Variants in APBB2 observed in about 807,000 individuals in gnomAD.
The protein encoded by APBB2 is Fe65-like 1.
Under a neutral mutation model 82.5 loss-of-function variants are expected in APBB2, and 38 were observed. That is an observed-to-expected ratio of 0.46 (90% CI 0.36 to 0.60). The LOEUF (loss-of-function observed/expected upper bound fraction) is 0.60. APBB2 is among the 20% of genes least tolerant of loss of function. The pLI is 0.00. For missense variants in APBB2, 772 were observed against 972.3 expected, an observed-to-expected ratio of 0.79 and a Z score of 2.74; for synonymous variants, 341 against 368.2, an observed-to-expected ratio of 0.93 and a Z score of 0.85.
chr4:41,019,966 G>A (rs1412098673), intron 5 of APBB2, among the ~76,000 whole-genome samples: 1 of 150,938 alleles, frequency 6.6e-6, no homozygotes, highest in Non-Finnish European at 1.5e-5. Context: ...GAGAGAGGAG[G>A]GAAAGACAGA....
chr4:41,199,343 A>G (rs1776118275), intron 1 of APBB2, among the ~76,000 whole-genome samples: 1 of 152,218 alleles, frequency 6.6e-6, no homozygotes, highest in African/African-American at 2.4e-5. Flanking sequence ...ATACAGGTAA[A>G]TGGAACACAT....
intron 10 of APBB2, among the ~76,000 whole-genome samples, chr4:40,909,490 C>T (rs773409150): frequency 5.3e-5 from 8 of 152,152 alleles, no homozygotes; most frequent in South Asian, 2.1e-4. Context: ...GCCAGAGACA[C>T]GCCTCCGGGT....
chr4:40,997,155 C>G (rs968370417), intron 6 of APBB2, among the ~76,000 whole-genome samples: 1 of 152,148 alleles, frequency 6.6e-6, no homozygotes, highest in Non-Finnish European at 1.5e-5. Flanking sequence ...CATGTGGTTA[C>G]ATTTCTTCCC....
At chr4:41,152,563 C>T (rs933841653) in intron 1 of APBB2, among the ~76,000 whole-genome samples, 1 of 152,052 alleles carries the variant, frequency 6.6e-6, no homozygotes, top group African/African-American at 2.4e-5. Context: ...CTCCTGACCT[C>T]GTGATCTACC....
At chr4:40,843,786 A>T (rs1191699996) in intron 12 of APBB2, among the ~76,000 whole-genome samples, 1 of 152,240 alleles carries the variant, frequency 6.6e-6, no homozygotes, top group Non-Finnish European at 1.5e-5. Context: ...GGACAAGGTC[A>T]GTATTACTGT....
rs371325542 is a variant in APBB2, at chr4:41,033,029, G to A, written c.19+207C>T. Among the ~76,000 whole-genome samples, 18 of 151,584 alleles carry A rather than the reference G, an allele frequency of 1.2e-4. 1 individual carries two copies. The highest frequency in any genetic ancestry group is 8.4e-4 in the South Asian group (4 of 4,790). ...CGATCTCCTGACCTCGTGATCCGCC[G>A]GTCTCGGCCTCCCAAAGTGCTGGGA... On this transcript the variant is annotated intron_variant, in intron 5 of 17. Transcript: ENST00000508593.
chr4:40,941,524 G>T (rs1454794080), intron 7 of APBB2, among the ~76,000 whole-genome samples: 3 of 152,216 alleles, frequency 2.0e-5, no homozygotes, highest in Non-Finnish European at 2.9e-5. Flanking sequence ...TGTATTAGCT[G>T]TGTGTCTTGC....
chr4:40,920,216 T>C (rs1176251613), intron 10 of APBB2, among the ~76,000 whole-genome samples: 1 of 152,200 alleles, frequency 6.6e-6, no homozygotes, highest in African/African-American at 2.4e-5. Flanking sequence ...CGAGATCTGA[T>C]GGTTTTATAA....
intron 17 of APBB2, among the ~76,000 whole-genome samples, chr4:40,816,847 ATGTT>A: frequency 6.6e-6 from 1 of 152,350 alleles, no homozygotes; most frequent in South Asian, 2.1e-4. Context: ...GCATTCAGAA[ATGTT>A]TGTTTCCTTC....
rs142111143 is a variant in APBB2, at chr4:41,066,739, C to A, written c.-148-1066G>T. Among the ~76,000 whole-genome samples the A allele has an allele frequency of 8.3e-4, 126 of 152,294 alleles. 2 individuals are homozygous for A. In the East Asian group the frequency reaches 0.023, roughly 28 times the overall value. ...TGGCCACTCTCTAGAGTGAGGCCTGCAGAGTGAGGCCAGAAAAGAAGCCTG... is the reference window on the plus strand; with the variant it reads ...TGGCCACTCTCTAGAGTGAGGCCTGAAGAGTGAGGCCAGAAAAGAAGCCTG... On this transcript the variant is annotated intron_variant, in intron 3 of 17. Transcript: ENST00000508593.
At chr4:40,835,073 C>T (rs1345983893) in intron 12 of APBB2, among the ~76,000 whole-genome samples, 3 of 152,010 alleles carry the variant, frequency 2.0e-5, no homozygotes, top group Non-Finnish European at 2.9e-5. Context: ...GTCAGGAGAT[C>T]GAGACCATCC....
Position 40,826,320 on chromosome 4 carries a change from G to A in APBB2, c.1733-350C>T, listed in dbSNP as rs944673849. On this transcript the variant is annotated intron_variant, in intron 14 of 17. Coordinates refer to ENST00000508593, the MANE Select transcript of APBB2 (RefSeq NM_004307.2). The surrounding 1 kb of genome is among the most constrained non-coding windows in gnomAD (Gnocchi z 4.5). ...GCCCAGAGAAAATGTAACCTCAAAG[G>A]GCACAATCAGAGACATAGGAAGATA... Among the ~76,000 whole-genome samples, 2 of 151,918 alleles carry A rather than the reference G, an allele frequency of 1.3e-5. No individual in the cohort carries two copies. The highest frequency in any genetic ancestry group is 4.8e-5 in the African/African-American group (2 of 41,360).
intron 2 of APBB2, among the ~76,000 whole-genome samples, chr4:41,102,997 T>TA (rs1745988071): frequency 6.6e-6 from 1 of 152,224 alleles, no homozygotes; most frequent in African/African-American, 2.4e-5. Flanking sequence ...TAAGAACACA[T>TA]AGATCATTTT....
chr4:40,925,406 G>T (rs1482884132), intron 10 of APBB2, among the ~76,000 whole-genome samples: 1 of 151,514 alleles, frequency 6.6e-6, no homozygotes, highest in Non-Finnish European at 1.5e-5. Flanking sequence ...AGGCACAGAG[G>T]GGGTAGGTAA....
chr4:41,197,495 T>C, intron 1 of APBB2, among the ~76,000 whole-genome samples: 1 of 152,082 alleles, frequency 6.6e-6, no homozygotes, highest in Non-Finnish European at 1.5e-5. Flanking sequence ...AAGATGAAAA[T>C]ACAGAGGTAC....
At chr4:41,156,211 G>A (rs1763408314) in intron 1 of APBB2, among the ~76,000 whole-genome samples, 1 of 152,114 alleles carries the variant, frequency 6.6e-6, no homozygotes, top group Admixed American at 6.5e-5. Flanking sequence ...AGAAGAACAG[G>A]AGGAAGAAAA....
At position 40,993,361 on chromosome 4, in the gene APBB2, C is replaced by CTTTTT. The variant is rs34787320; in HGVS notation, c.835+20217_835+20221dup. 1.7e-3 allele frequency among the ~76,000 whole-genome samples: 196 copies of CTTTTT among 114,616 alleles called. 2 individuals are homozygous for CTTTTT. Among genetic ancestry groups the CTTTTT allele is most frequent in the African/African-American group, 6.5e-3 (186 of 28,480 alleles). 75.2% of individuals were successfully genotyped at this position (114,616 alleles called of 152,430 possible). On this transcript the variant is annotated intron_variant, in intron 6 of 17. Transcript: ENST00000508593. ...CAGGAGCAATTAAGAACTCTTCTCT[C>CTTTTT]TTTTTTTTTTTTTTTTTTTTTTTTA...
In APBB2 at chr4:40,934,441, CA is replaced by C. The variant is rs766133694; in HGVS notation, c.1254+14del. Reference sequence around the variant, plus strand: ...AAGAATATAACCTGGTGGCTGAAAGCAAGTCTTTACAAACCTTGGCTTCTGG... The same window carrying C: ...AAGAATATAACCTGGTGGCTGAAAGCAGTCTTTACAAACCTTGGCTTCTGG... On this transcript the variant is annotated intron_variant, in intron 10 of 17. Coordinates refer to ENST00000508593, the MANE Select transcript of APBB2 (RefSeq NM_004307.2). 6 of 1,612,240 alleles carry C rather than the reference CA, an allele frequency of 3.7e-6. No individual in the cohort carries two copies. The African/African-American group carries it at 8.0e-5, about 22-fold the overall frequency.
intron 4 of APBB2, among the ~76,000 whole-genome samples, chr4:41,054,931 C>G (rs1249459942): frequency 6.6e-6 from 1 of 152,180 alleles, no homozygotes; most frequent in Non-Finnish European, 1.5e-5. Flanking sequence ...CCATTTAGCA[C>G]CCTAGATGCC....
Sources: allele counts gnomAD v4.1 joint callset (sites outside exome capture counted in the v4.1 genomes callset), GRCh38; gene constraint gnomAD v4.1.1; non-coding constraint Gnocchi (gnomAD v3.1); transcripts MANE v1.5; gene names NCBI Gene and HGNC (gene_info 2026-07-23, HGNC 2026-07-21).